Variants in ASB4 observed in about 807,000 individuals in gnomAD.
ASB4 encodes ankyrin repeat and SOCS box containing 4, also known as ankyrin repeat and SOCS box protein 4.
A neutral mutation model predicts 38.6 loss-of-function variants in ASB4; 35 were observed. The ratio of observed to expected loss-of-function variants is 0.91; its 90% confidence interval spans 0.69 to 1.20. The LOEUF (loss-of-function observed/expected upper bound fraction) is 1.20, where lower values mean the gene tolerates loss of function less well. Ranked by LOEUF, ASB4 falls within the 50% of genes most tolerant of loss-of-function variation. The probability of loss-of-function intolerance (pLI) is 0.00; values close to 1 mark genes in which losing one functional copy is unlikely to be tolerated. For synonymous variants in ASB4, 195 were observed against 201.3 expected (o/e 0.97, Z 0.26); for missense variants, 557 against 527.2 (o/e 1.06, Z -0.55).
chr7:95,544,721 G>A, downstream of ASB4, among the ~76,000 whole-genome samples: 1 of 151,882 alleles, frequency 6.6e-6, no homozygotes, highest in East Asian at 1.9e-4. Context: ...TTGAGATGGG[G>A]TCTCACTCTG....
intron 3 of ASB4, among the ~76,000 whole-genome samples, chr7:95,531,795 T>A (rs1310886812): frequency 6.6e-6 from 1 of 152,180 alleles, no homozygotes; most frequent in African/African-American, 2.4e-5. Flanking sequence ...ACATGTGCTC[T>A]TGGTCCAGCA....
At chr7:95,509,964 T>A (rs1323476381) in intron 2 of ASB4, among the ~76,000 whole-genome samples, 1 of 152,182 alleles carries the variant, frequency 6.6e-6, no homozygotes, top group East Asian at 1.9e-4. Context: ...TGCTGGAAAT[T>A]GAATAATGCT....
chr7:95,504,275 T>C (rs945673016), intron 2 of ASB4, among the ~76,000 whole-genome samples: 1 of 152,148 alleles, frequency 6.6e-6, no homozygotes, highest in African/African-American at 2.4e-5. Context: ...GAAAGTGACA[T>C]GGGGGCAATG....
chr7:95,515,779 G>T (rs912665387), intron 2 of ASB4, among the ~76,000 whole-genome samples: 2 of 152,170 alleles, frequency 1.3e-5, no homozygotes, highest in African/African-American at 4.8e-5. Context: ...TGGACTAAAG[G>T]ACTCCTTACT....
Position 95,537,917 on chromosome 7 carries a change from T to A in ASB4, c.*158T>A. 1.6e-6 allele frequency: 1 copy of A among 612,058 alleles called. No individual in the cohort carries two copies. The highest frequency in any genetic ancestry group is 2.8e-6 in the Non-Finnish European group (1 of 356,568). 37.9% of individuals were successfully genotyped at this position (612,058 alleles called of 1,614,324 possible). A position where few individuals can be genotyped will look rare whatever the true frequency, so the allele number is the denominator to read the frequency against. On this transcript the variant is annotated 3_prime_UTR_variant, in exon 5 of 5. Coordinates refer to ENST00000325885, the MANE Select transcript of ASB4 (RefSeq NM_016116.3). ...CCATTAATCCTAGAATATCATGGTA[T>A]GGGGAAATAAAGAAGAAGTAAAGTT... is the stretch of plus-strand genomic sequence containing the variant.
intron 2 of ASB4, among the ~76,000 whole-genome samples, chr7:95,521,166 T>C (rs1479474463): frequency 6.6e-6 from 1 of 152,134 alleles, no homozygotes; most frequent in Non-Finnish European, 1.5e-5. Context: ...ATTTCCTTCA[T>C]AGTAGATCTT....
At chr7:95,549,301 A>ATTTTTTTTTTTTTTTTTT in the ASB4 span, among the ~76,000 whole-genome samples, 267 of 114,824 alleles carry the variant, frequency 2.3e-3, 46 homozygotes, top group African/African-American at 8.4e-3. Context: ...AGGAGACTCC[A>ATTTTTTTTTTTTTTTTTT]TTTTTTTTTT....
intron 1 of ASB4, among the ~76,000 whole-genome samples, chr7:95,491,436 C>T (rs1790169987): frequency 6.6e-6 from 1 of 152,198 alleles, no homozygotes; most frequent in South Asian, 2.1e-4. Context: ...CACCTCTGTC[C>T]TTTGTGAAGT....
intron 2 of ASB4, among the ~76,000 whole-genome samples, chr7:95,520,003 A>T (rs1230009037): frequency 6.6e-6 from 1 of 152,226 alleles, no homozygotes; most frequent in Admixed American, 6.5e-5. Context: ...CATCTAAAAA[A>T]CATGCCTTGT....
intron 2 of ASB4, among the ~76,000 whole-genome samples, chr7:95,524,500 A>T (rs1790709620): frequency 2.2e-5 from 1 of 45,080 alleles, no homozygotes. Flanking sequence ...ACAATAATTA[A>T]AAAAAACTGT....
At chr7:95,485,930 C>A, upstream of ASB4, 1 of 1,587,926 alleles carries the variant, frequency 6.3e-7, no homozygotes, top group Non-Finnish European at 8.6e-7. Flanking sequence ...CGGTGCTGTT[C>A]TCTCGATAAA....
At chr7:95,499,125 C>G (rs566039532) in intron 2 of ASB4, among the ~76,000 whole-genome samples, 16 of 152,200 alleles carry the variant, frequency 1.1e-4, no homozygotes, top group Admixed American at 9.8e-4. Flanking sequence ...TTTCATATCT[C>G]TTTGAAACTT....
upstream of ASB4, among the ~76,000 whole-genome samples, chr7:95,475,442 G>A (rs548285193): frequency 2.8e-4 from 42 of 152,252 alleles, no homozygotes; most frequent in Admixed American, 2.2e-3. Context: ...GGAGTGCAGT[G>A]GCTCAATCTT....
At position 95,538,961 on chromosome 7, in the gene ASB4, G is replaced by T. The variant is rs987272559; in HGVS notation, c.*1202G>T. 18 of 152,156 alleles carry T rather than the reference G, an allele frequency of 1.2e-4. No individual in the cohort carries two copies. Among genetic ancestry groups the T allele is most frequent in the African/African-American group, 3.9e-4 (16 of 41,426 alleles). The allele number at this position is 152,156 out of a possible 1,614,324, so 9.4% of individuals were successfully genotyped here. On this transcript the variant is annotated 3_prime_UTR_variant, in exon 5 of 5. Coordinates refer to ENST00000325885, the MANE Select transcript of ASB4 (RefSeq NM_016116.3). ...AAATGGTAAAAGTTTGAGAAACTTGGGAAGATTAGTGTGTTAATCAGGCTT... is the reference window on the plus strand; with the variant it reads ...AAATGGTAAAAGTTTGAGAAACTTGTGAAGATTAGTGTGTTAATCAGGCTT...
At position 95,528,206 on chromosome 7, in the gene ASB4, A is replaced by G. The variant is rs1790770780; in HGVS notation, c.881A>G (p.Lys294Arg). The change falls in exon 3 of 5, where the codon AAG becomes AGG. Residue 294 changes from lysine to arginine, a missense_variant. By Grantham distance (26) the Lys-to-Arg change is conservative. Transcript: ENST00000325885. ...NGCAAIQYVL[K>R]VTSVRPAAQP... ...TGTGCTGCCATCCAGTACGTGCTGA[A>G]GGTCACCTCCGTGCGCCCTGCTGCC... 1.2e-6 allele frequency: 2 copies of G among 1,614,082 alleles called. No homozygotes were observed. The highest frequency in any genetic ancestry group is 1.7e-6 in the Non-Finnish European group (2 of 1,180,036).
upstream of ASB4, among the ~76,000 whole-genome samples, chr7:95,476,032 C>T (rs541407000): frequency 3.3e-5 from 5 of 152,184 alleles, no homozygotes; most frequent in African/African-American, 7.2e-5. Context: ...TTCCTCAAAC[C>T]GAATGGTGTG....
At chr7:95,519,883 G>A (rs571087357) in intron 2 of ASB4, among the ~76,000 whole-genome samples, 6 of 152,078 alleles carry the variant, frequency 3.9e-5, no homozygotes, top group Admixed American at 3.9e-4. Flanking sequence ...TAATTGGTGG[G>A]TGGTGAATAT....
intron 2 of ASB4, among the ~76,000 whole-genome samples, chr7:95,522,617 G>A (rs1790679311): frequency 6.6e-6 from 1 of 152,130 alleles, no homozygotes; most frequent in South Asian, 2.1e-4. Flanking sequence ...GAAGGGTTGG[G>A]AAGCACTTAT....
At chr7:95,485,891 G>T (rs767242589), upstream of ASB4, 1 of 1,262,626 alleles carries the variant, frequency 7.9e-7, no homozygotes, top group African/African-American at 1.5e-5. Flanking sequence ...CCGACAGTTT[G>T]TGGACTCTCC....
Sources: allele counts gnomAD v4.1 joint callset (sites outside exome capture counted in the v4.1 genomes callset), GRCh38; gene constraint gnomAD v4.1.1; transcripts MANE v1.5; gene names NCBI Gene and HGNC (gene_info 2026-07-23, HGNC 2026-07-21).